SH3GLB1: variants seen among roughly 807,000 people sequenced by gnomAD.
SH3GLB1 encodes endophilin-B1.
Under a neutral mutation model 42.0 loss-of-function variants are expected in SH3GLB1, and 17 were observed. The observed-to-expected ratio is 0.40, with a 90% confidence interval of 0.28 to 0.61. The LOEUF (loss-of-function observed/expected upper bound fraction) is 0.61. Among genes scored for constraint, SH3GLB1 ranks in the 20% least tolerant of loss-of-function variants. The pLI, the probability that SH3GLB1 is intolerant of heterozygous loss-of-function variation, is 0.36. For synonymous variants in SH3GLB1, 132 were observed against 146.6 expected (o/e 0.90, Z 0.72); for missense variants, 355 against 426.3 (o/e 0.83, Z 1.47).
chr1:86,741,931 A>G (rs1041958271), intron 7 of SH3GLB1, among the ~76,000 whole-genome samples: 53 of 152,068 alleles, frequency 3.5e-4, no homozygotes, highest in African/African-American at 1.2e-3. Context: ...TTTTTTGGGG[A>G]AAAAAGTATA....
At chr1:86,731,771 CA>C (rs1237788525) in intron 5 of SH3GLB1, among the ~76,000 whole-genome samples, 1 of 152,032 alleles carries the variant, frequency 6.6e-6, no homozygotes, top group Non-Finnish European at 1.5e-5. Flanking sequence ...TCACTTCTGA[CA>C]TTTTTATAAT....
At chr1:86,740,605 C>T (rs540185512) in intron 7 of SH3GLB1, among the ~76,000 whole-genome samples, 2 of 151,890 alleles carry the variant, frequency 1.3e-5, no homozygotes, top group African/African-American at 4.8e-5. Flanking sequence ...AAGAAAAAGG[C>T]GATGGTCAAA....
At chr1:86,706,036 G>C (rs927009143) in intron 1 of SH3GLB1, among the ~76,000 whole-genome samples, 1 of 152,176 alleles carries the variant, frequency 6.6e-6, no homozygotes, top group African/African-American at 2.4e-5. Flanking sequence ...GCTAGAGCAA[G>C]GTAATAGCTG....
intron 1 of SH3GLB1, among the ~76,000 whole-genome samples, chr1:86,712,764 T>TAA (rs370562019): frequency 2.7e-4 from 40 of 146,456 alleles, no homozygotes; most frequent in Middle Eastern, 3.6e-3. Context: ...CTAAAATAGT[T>TAA]AAAAAAAAAA....
chr1:86,704,910 T>C lies in SH3GLB1; in HGVS notation c.11T>C (p.Met4Thr), dbSNP rs199927597. 2 of 1,584,450 alleles carry C rather than the reference T, an allele frequency of 1.3e-6. No individual in the cohort carries two copies. Among genetic ancestry groups the C allele is most frequent in the African/African-American group, 1.4e-5 (1 of 71,382 alleles). The change falls in exon 1 of 9, where the codon ATG becomes ACG. Residue 4 changes from methionine to threonine, a missense_variant. Coordinates refer to ENST00000370558, the MANE Select transcript of SH3GLB1 (RefSeq NM_016009.5). ...CGGCTGCCGCCTAGGATGAATATCATGGACTTCAACGTGAAGAAGCTGGCG... is the reference window on the plus strand; with the variant it reads ...CGGCTGCCGCCTAGGATGAATATCACGGACTTCAACGTGAAGAAGCTGGCG... The part of the protein sequence containing the change: MNI[M>T]DFNVKKLAAD...
At chr1:86,714,278 G>A (rs1007879459) in intron 1 of SH3GLB1, among the ~76,000 whole-genome samples, 1 of 152,172 alleles carries the variant, frequency 6.6e-6, no homozygotes. Context: ...AAGACTACGG[G>A]GTTCTCTGTT....
rs564413427 is a variant in SH3GLB1, at chr1:86,713,992, A to G, written c.73-1732A>G. On this transcript the variant is annotated intron_variant, in intron 1 of 8. Coordinates refer to ENST00000370558, the MANE Select transcript of SH3GLB1 (RefSeq NM_016009.5). ...GCACATATGTAGGTGCTTAATAAGTATTTGTTGAAGGAATAAACAAAATGA... is the reference window on the plus strand; with the variant it reads ...GCACATATGTAGGTGCTTAATAAGTGTTTGTTGAAGGAATAAACAAAATGA... Among the ~76,000 whole-genome samples, 12 of 152,338 alleles carry G rather than the reference A, an allele frequency of 7.9e-5. No individual in the cohort carries two copies. The East Asian group carries it at 2.3e-3, about 29-fold the overall frequency.
At chr1:86,729,501 A>G (rs1320591818) in intron 5 of SH3GLB1, among the ~76,000 whole-genome samples, 1 of 152,188 alleles carries the variant, frequency 6.6e-6, no homozygotes, top group Non-Finnish European at 1.5e-5. Context: ...AGGATATTTC[A>G]GTCATTGCTA....
intron 1 of SH3GLB1, 58 bp from the exon 2 acceptor site, chr1:86,715,666 A>G: frequency 1.3e-6 from 2 of 1,513,768 alleles, no homozygotes; most frequent in East Asian, 2.3e-5. Flanking sequence ...ACTTATTGAT[A>G]TGGTTCCCTA....
rs1655418668 is a variant in SH3GLB1, at chr1:86,730,000, A to G, written c.571-4602A>G. 8 of 1,286,562 alleles carry G rather than the reference A, an allele frequency of 6.2e-6. No homozygotes were observed. The Admixed American group carries it at 7.2e-5, about 12-fold the overall frequency. The allele number at this position is 1,286,562 out of a possible 1,614,324, so 79.7% of individuals were successfully genotyped here. A position where few individuals can be genotyped will look rare whatever the true frequency, so the allele number is the denominator to read the frequency against. ...TGAAAAAGAGTATGCCATTTAAACA[A>G]ATATTTATATTTTTCTATACTAAGT... On this transcript the variant is annotated intron_variant, in intron 5 of 8. Coordinates refer to ENST00000370558, the MANE Select transcript of SH3GLB1 (RefSeq NM_016009.5).
chr1:86,725,133 G>A (rs263461), intron 5 of SH3GLB1, among the ~76,000 whole-genome samples: 13,321 of 150,680 alleles, frequency 0.088, 848 homozygotes, highest in East Asian at 0.16. Flanking sequence ...ATTATAATTG[G>A]AAATAGCAGA....
intron 2 of SH3GLB1, among the ~76,000 whole-genome samples, chr1:86,716,395 C>T (rs986867035): frequency 2.0e-5 from 3 of 152,132 alleles, no homozygotes; most frequent in African/African-American, 7.2e-5. Context: ...CTGCCTCAGC[C>T]TCCCAAGTAG....
At chr1:86,739,230 C>G (rs1270356161) in intron 7 of SH3GLB1, among the ~76,000 whole-genome samples, 2 of 152,098 alleles carry the variant, frequency 1.3e-5, no homozygotes, top group African/African-American at 4.8e-5. Flanking sequence ...ACTAGATAAA[C>G]CCTCAAAGGA....
chr1:86,736,463 A>G (rs973381822), intron 7 of SH3GLB1, among the ~76,000 whole-genome samples: 31 of 152,204 alleles, frequency 2.0e-4, no homozygotes, highest in Admixed American at 1.6e-3. Context: ...GAGCATTTAC[A>G]TAACTATATA....
chr1:86,741,146 A>G (rs1656042554), intron 7 of SH3GLB1, among the ~76,000 whole-genome samples: 1 of 152,184 alleles, frequency 6.6e-6, no homozygotes, highest in South Asian at 2.1e-4. Flanking sequence ...GTTCAGTGAT[A>G]AAAGAGGAGT....
At chr1:86,713,642 G>T (rs74097420) in intron 1 of SH3GLB1, among the ~76,000 whole-genome samples, 1 of 151,930 alleles carries the variant, frequency 6.6e-6, no homozygotes, top group Non-Finnish European at 1.5e-5. Context: ...CTAACTACCC[G>T]CATCTCACAC....
rs1383163841 is a variant in SH3GLB1 at position 86,747,114 on chromosome 1, AGTC to A, written c.*3880_*3882del. 8 of 152,750 alleles carry A rather than the reference AGTC, an allele frequency of 5.2e-5. No homozygotes were observed. In the South Asian group the frequency reaches 1.2e-3, roughly 24 times the overall value. 9.5% of individuals were successfully genotyped at this position (152,750 alleles called of 1,614,324 possible). A position where few individuals can be genotyped will look rare whatever the true frequency, so the allele number is the denominator to read the frequency against. On this transcript the variant is annotated 3_prime_UTR_variant, in exon 9 of 9. Coordinates refer to ENST00000370558, the MANE Select transcript of SH3GLB1 (RefSeq NM_016009.5). ...CTAATCTTAATTGTGTTCTAGCAGT[AGTC>A]ATTGTAATTATAGTTATTTTTATAA...
chr1:86,708,758 T>C (rs1654019709), intron 1 of SH3GLB1, among the ~76,000 whole-genome samples: 1 of 152,210 alleles, frequency 6.6e-6, no homozygotes, highest in Non-Finnish European at 1.5e-5. Flanking sequence ...ATTCTTAGAA[T>C]CCATCTTTTT....
At chr1:86,739,564 G>A (rs376872793) in intron 7 of SH3GLB1, among the ~76,000 whole-genome samples, 1 of 152,166 alleles carries the variant, frequency 6.6e-6, no homozygotes, top group Non-Finnish European at 1.5e-5. Flanking sequence ...AATTGTGACC[G>A]TAAGAATACG....
Sources: gnomAD v4.1 joint callset for allele counts (sites outside exome capture counted in the v4.1 genomes callset) on GRCh38, gnomAD v4.1.1 for gene constraint, MANE v1.5 for transcripts, NCBI Gene and HGNC (gene_info 2026-07-23, HGNC 2026-07-21) for gene names.